Variants in RIC8B observed in about 807,000 individuals in gnomAD.
RIC8B encodes the protein RIC8 guanine nucleotide exchange factor B, also known as chaperone Ric-8B.
A neutral mutation model predicts 57.5 loss-of-function variants in RIC8B; 16 were observed. The observed-to-expected ratio is 0.28, with a 90% CI of 0.19 to 0.42. The LOEUF is 0.42. RIC8B is among the 10% of genes least tolerant of loss of function. The pLI is 1.00. For synonymous variants in RIC8B, 216 were observed against 250.8 expected, an observed-to-expected ratio of 0.86 and a Z score of 1.31; for missense variants, 481 against 677.0, an observed-to-expected ratio of 0.71 and a Z score of 3.21.
intron 4 of RIC8B, among the ~76,000 whole-genome samples, chr12:106,840,135 A>G (rs1593269893): frequency 6.6e-6 from 1 of 152,236 alleles, no homozygotes; most frequent in Non-Finnish European, 1.5e-5. Context: ...TAAAGAAGAT[A>G]CATTTGACCA....
chr12:106,877,721 A>G (rs1382008628), intron 9 of RIC8B, among the ~76,000 whole-genome samples: 1 of 152,190 alleles, frequency 6.6e-6, no homozygotes, highest in African/African-American at 2.4e-5. Flanking sequence ...CTATGGGACT[A>G]TTTACCAAAG....
At chr12:106,827,449 A>G (rs1364525761) in intron 4 of RIC8B, among the ~76,000 whole-genome samples, 3 of 152,236 alleles carry the variant, frequency 2.0e-5, no homozygotes, top group Non-Finnish European at 4.4e-5. Context: ...AACTATAGAA[A>G]CACAGCCACA....
chr12:106,774,867 C>T (rs747050563), intron 1 of RIC8B, 38 bp downstream of exon 1: 28 of 1,464,986 alleles, frequency 1.9e-5, no homozygotes, highest in Non-Finnish European at 2.5e-5. Flanking sequence ...GTATCGCACC[C>T]CCGGGCCGCC....
chr12:106,844,266 T>G (rs185560979), intron 6 of RIC8B, among the ~76,000 whole-genome samples: 341 of 152,288 alleles, frequency 2.2e-3, no homozygotes, highest in Non-Finnish European at 4.2e-3. Flanking sequence ...ATAAGCATTC[T>G]GAAGAAAGGT....
chr12:106,848,686 A>T (rs1052282240), intron 6 of RIC8B, among the ~76,000 whole-genome samples: 2 of 152,124 alleles, frequency 1.3e-5, no homozygotes, highest in Admixed American at 1.3e-4. Context: ...TGTACCAAGC[A>T]ATTGGGAGAA....
chr12:106,863,433 AAC>A (rs1174669663), intron 8 of RIC8B, among the ~76,000 whole-genome samples: 9 of 152,118 alleles, frequency 5.9e-5, no homozygotes, highest in Admixed American at 3.3e-4. Flanking sequence ...CAGCTGTATA[AAC>A]AGTTTCTTCA....
chr12:106,811,816 G>C (rs557551767), intron 2 of RIC8B, among the ~76,000 whole-genome samples: 1 of 152,186 alleles, frequency 6.6e-6, no homozygotes, highest in South Asian at 2.1e-4. Context: ...TTTAGGAAGA[G>C]TAAAATCAAC....
chr12:106,865,914 C>G (rs966701714), intron 8 of RIC8B, among the ~76,000 whole-genome samples: 1 of 152,188 alleles, frequency 6.6e-6, no homozygotes, highest in African/African-American at 2.4e-5. Context: ...GCTGTTCCTT[C>G]TGCCTGGAAT....
chr12:106,834,126 G>T (rs1781706227), intron 4 of RIC8B, among the ~76,000 whole-genome samples: 1 of 152,096 alleles, frequency 6.6e-6, no homozygotes, highest in Admixed American at 6.6e-5. Flanking sequence ...TCCTTTATGG[G>T]ACTAATACAG....
In RIC8B at chr12:106,775,768, C is replaced by T. The variant is rs556612966; in HGVS notation, c.84+939C>T. On this transcript the variant is annotated intron_variant, in intron 1 of 9. Transcript: ENST00000392837. ...AAAAGATAGCCTACCACACCTTTAT[C>T]CTTTGGTTTAGAAGACTGCTTTATA... 2.0e-5 allele frequency among the ~76,000 whole-genome samples: 3 copies of T among 152,342 alleles called. No homozygotes were observed. In the South Asian group the frequency reaches 6.2e-4, roughly 32 times the overall value.
Position 106,802,382 on chromosome 12 carries a change from A to G in RIC8B, c.133-12314A>G, listed in dbSNP as rs1302018812. On this transcript the variant is annotated intron_variant, in intron 2 of 9. Transcript: ENST00000392837. Reference sequence around the variant, plus strand: ...CTATAGGAGTATACTGGTAGATTCAAGTGAGTATAATTCAAGCATGTGGCT... The same window carrying G: ...CTATAGGAGTATACTGGTAGATTCAGGTGAGTATAATTCAAGCATGTGGCT... Among the ~76,000 whole-genome samples, 5 of 152,264 alleles carry G rather than the reference A, an allele frequency of 3.3e-5. No individual in the cohort carries two copies. The East Asian group carries it at 9.7e-4, about 29-fold the overall frequency.
chr12:106,782,773 C>T (rs1460581471), intron 1 of RIC8B, among the ~76,000 whole-genome samples: 1 of 152,170 alleles, frequency 6.6e-6, no homozygotes, highest in Non-Finnish European at 1.5e-5. Context: ...ATTGCTGCTT[C>T]TACAAAGATG....
chr12:106,883,816 T>C (rs1951064800), intron 9 of RIC8B, among the ~76,000 whole-genome samples: 1 of 152,148 alleles, frequency 6.6e-6, no homozygotes, highest in Admixed American at 6.5e-5. Context: ...AAACACTCTT[T>C]ATAGGGTAAA....
rs1290821108 is a variant in RIC8B at position 106,842,732 on chromosome 12, T to C, written c.980T>C (p.Leu327Ser). ...SNKTAEKETVLKNNTMVYNGM... is the reference protein window; with the variant it reads ...SNKTAEKETVSKNNTMVYNGM... The stretch of plus-strand genomic sequence containing the variant: ...AAAACAGCTGAGAAAGAAACAGTTT[T>C]GAAAAACAATACCATGGTATACAAT... Residue 327 changes from leucine to serine, a missense_variant, in exon 5 of 10, where the codon TTG becomes TCG. Around this residue, in one of 3 missense-constraint regions of RIC8B, gnomAD observed 421 missense variants for 560.9 expected, o/e 0.75. Coordinates refer to ENST00000392837, the MANE Select transcript of RIC8B (RefSeq NM_001330145.2). 6.2e-7 allele frequency: 1 copy of C among 1,614,000 alleles called. No individual in the cohort carries two copies.
At chr12:106,846,405 G>GC (rs888072508) in intron 6 of RIC8B, among the ~76,000 whole-genome samples, 54 of 152,176 alleles carry the variant, frequency 3.5e-4, no homozygotes, top group African/African-American at 1.2e-3. Flanking sequence ...GATTTAGTAA[G>GC]CACCTTACTG....
chr12:106,842,489 A>AC, intron 4 of RIC8B, 100 bp from the exon 5 acceptor site: 1 of 897,516 alleles, frequency 1.1e-6, no homozygotes, highest in Non-Finnish European at 1.7e-6. Flanking sequence ...AAATATTTTA[A>AC]TTGACTCTTA....
chr12:106,798,686 C>T (rs978438283), intron 2 of RIC8B, among the ~76,000 whole-genome samples: 3 of 151,884 alleles, frequency 2.0e-5, no homozygotes, highest in Non-Finnish European at 4.4e-5. Flanking sequence ...CTTTGCTTGT[C>T]CTAGTTTACC....
intron 4 of RIC8B, 21 bp downstream of exon 4, chr12:106,825,841 T>G: frequency 6.7e-7 from 1 of 1,491,964 alleles, no homozygotes; most frequent in Admixed American, 1.7e-5. Flanking sequence ...TCTGTATTGA[T>G]ATCCCAATGA....
chr12:106,790,249 A>G lies in RIC8B; in HGVS notation c.132+6205A>G, dbSNP rs182662346. Among the ~76,000 whole-genome samples, 5 of 152,304 alleles carry G rather than the reference A, an allele frequency of 3.3e-5. No individual in the cohort carries two copies. The East Asian group carries it at 9.6e-4, about 29-fold the overall frequency. ...AGCTCCCTCTTATTACCATTGAGGTATATTTCAGAAGGCTTGAAATTATCA... is the reference window on the plus strand; with the variant it reads ...AGCTCCCTCTTATTACCATTGAGGTGTATTTCAGAAGGCTTGAAATTATCA... On this transcript the variant is annotated intron_variant, in intron 2 of 9. Coordinates refer to ENST00000392837, the MANE Select transcript of RIC8B (RefSeq NM_001330145.2).
Sources: allele counts gnomAD v4.1 joint callset (sites outside exome capture counted in the v4.1 genomes callset), GRCh38; gene constraint gnomAD v4.1.1; regional missense constraint gnomAD v4.1.1; transcripts MANE v1.5; gene names NCBI Gene and HGNC (gene_info 2026-07-23, HGNC 2026-07-21).